TAFA1: variants seen among roughly 807,000 people sequenced by gnomAD.
TAFA1 encodes TAFA chemokine like family member 1, also known as chemokine-like protein TAFA-1.
TAFA1 carries 4 observed loss-of-function variants against 18.5 expected under a neutral mutation model. The ratio of observed to expected loss-of-function variants is 0.22; its 90% CI spans 0.11 to 0.49. The LOEUF is 0.49. Among genes scored for constraint, TAFA1 ranks in the 20% least tolerant of loss-of-function variants. The pLI is 0.98. For synonymous variants in TAFA1, 56 were observed against 55.2 expected (o/e 1.01, Z -0.06); for missense variants, 147 against 169.0 (o/e 0.87, Z 0.72).
At chr3:68,543,604 A>T (rs2073412204) in intron 4 of TAFA1, among the ~76,000 whole-genome samples, 1 of 152,132 alleles carries the variant, frequency 6.6e-6, no homozygotes, top group South Asian at 2.1e-4. Context: ...TAAAATCCTT[A>T]AATGGACTTC....
At chr3:68,096,595 G>C (rs1326533217) in intron 2 of TAFA1, among the ~76,000 whole-genome samples, 1 of 152,098 alleles carries the variant, frequency 6.6e-6, no homozygotes, top group Non-Finnish European at 1.5e-5. Flanking sequence ...GGGAAACTAA[G>C]GCTTGGAGAA....
At chr3:68,018,447 A>G (rs894949792) in intron 2 of TAFA1, among the ~76,000 whole-genome samples, 2 of 152,232 alleles carry the variant, frequency 1.3e-5, no homozygotes, top group Non-Finnish European at 2.9e-5. Flanking sequence ...TAAGATAGTA[A>G]TTATTTTTAA....
chr3:68,359,635 C>G (rs1248946659), intron 2 of TAFA1, among the ~76,000 whole-genome samples: 2 of 151,868 alleles, frequency 1.3e-5, no homozygotes, highest in Admixed American at 1.3e-4. Flanking sequence ...GATCACAGCC[C>G]TCCTGACACC....
intron 2 of TAFA1, among the ~76,000 whole-genome samples, chr3:68,369,338 A>C (rs2069634815): frequency 6.6e-6 from 1 of 152,226 alleles, no homozygotes; most frequent in South Asian, 2.1e-4. Context: ...GTTGATATGA[A>C]GAAAAAGGTG....
the TAFA1 span, among the ~76,000 whole-genome samples, chr3:67,997,815 G>C: frequency 1.0e-4 from 14 of 137,384 alleles, no homozygotes; most frequent in Non-Finnish European, 1.6e-4. Context: ...TTAATTTTTT[G>C]TTTCATGTAG....
chr3:68,497,632 G>A (rs2072570584), intron 3 of TAFA1, among the ~76,000 whole-genome samples: 1 of 152,186 alleles, frequency 6.6e-6, no homozygotes, highest in Non-Finnish European at 1.5e-5. Context: ...GACAGAGTGT[G>A]CTGAATGGGA....
intron 4 of TAFA1, among the ~76,000 whole-genome samples, chr3:68,539,677 G>GT (rs2073337729): frequency 5.6e-5 from 1 of 17,904 alleles, no homozygotes; most frequent in Non-Finnish European, 2.5e-4. Flanking sequence ...GTGTGTGTGT[G>GT]TGGGGGGGCA....
At chr3:68,121,278 T>A (rs941361271) in intron 2 of TAFA1, among the ~76,000 whole-genome samples, 1 of 151,898 alleles carries the variant, frequency 6.6e-6, no homozygotes, top group Admixed American at 6.6e-5. Flanking sequence ...TGTGTGTGTG[T>A]GTGTGTGTGT....
intron 2 of TAFA1, among the ~76,000 whole-genome samples, chr3:68,357,748 A>G (rs1408038526): frequency 6.6e-6 from 1 of 151,950 alleles, no homozygotes; most frequent in African/African-American, 2.4e-5. Flanking sequence ...GGGTGGACTG[A>G]CAGGGCATTT....
At chr3:68,045,161 G>C (rs1478854394) in intron 2 of TAFA1, among the ~76,000 whole-genome samples, 1 of 152,076 alleles carries the variant, frequency 6.6e-6, no homozygotes, top group Admixed American at 6.6e-5. Context: ...CTCTGGCCTA[G>C]GTAGAAGGGC....
chr3:68,252,915 G>C (rs370581898), intron 2 of TAFA1, among the ~76,000 whole-genome samples: 75 of 152,242 alleles, frequency 4.9e-4, no homozygotes, highest in African/African-American at 1.6e-3. Flanking sequence ...AGTCTCATGA[G>C]CTCTGATGGT....
At chr3:68,319,488 T>C (rs2068662616) in intron 2 of TAFA1, among the ~76,000 whole-genome samples, 1 of 152,202 alleles carries the variant, frequency 6.6e-6, no homozygotes, top group Non-Finnish European at 1.5e-5. Context: ...AGAGCAATCC[T>C]CATCCCCAGC....
chr3:68,033,445 A>T (rs1270162835), intron 2 of TAFA1, among the ~76,000 whole-genome samples: 2 of 152,206 alleles, frequency 1.3e-5, no homozygotes, highest in African/African-American at 4.8e-5. Flanking sequence ...ATGTTTTTTA[A>T]GGGCATTCAC....
intron 3 of TAFA1, among the ~76,000 whole-genome samples, chr3:68,465,717 G>T (rs1237739561): frequency 6.6e-6 from 1 of 152,126 alleles, no homozygotes; most frequent in Non-Finnish European, 1.5e-5. Context: ...CTAACCATCA[G>T]GAAAGAGAAA....
chr3:68,039,083 G>A (rs1180580285), intron 2 of TAFA1, among the ~76,000 whole-genome samples: 1 of 152,094 alleles, frequency 6.6e-6, no homozygotes, highest in East Asian at 1.9e-4. Flanking sequence ...CTACATCCAA[G>A]CCCTGCCATC....
chr3:68,162,093 G>A (rs2065931981), intron 2 of TAFA1, among the ~76,000 whole-genome samples: 2 of 152,262 alleles, frequency 1.3e-5, no homozygotes, highest in South Asian at 4.1e-4. Flanking sequence ...TGCTGGCCTA[G>A]AAGCAATAGA....
At chr3:68,219,925 A>G (rs780531669) in intron 2 of TAFA1, among the ~76,000 whole-genome samples, 1 of 152,158 alleles carries the variant, frequency 6.6e-6, no homozygotes, top group Non-Finnish European at 1.5e-5. Flanking sequence ...TGCCAGAAAA[A>G]AATAGGAGAC....
intron 3 of TAFA1, among the ~76,000 whole-genome samples, chr3:68,456,186 G>A (rs982215356): frequency 6.6e-6 from 1 of 152,118 alleles, no homozygotes; most frequent in African/African-American, 2.4e-5. Flanking sequence ...ACAACAAAAA[G>A]CCTGGAAATT....
chr3:68,460,593 T>C (rs1279462503), intron 3 of TAFA1, among the ~76,000 whole-genome samples: 1 of 152,210 alleles, frequency 6.6e-6, no homozygotes, highest in African/African-American at 2.4e-5. Flanking sequence ...CTCTGTGTTA[T>C]AGATTCAGAG....
Sources: allele counts gnomAD v4.1 joint callset (sites outside exome capture counted in the v4.1 genomes callset), GRCh38; gene constraint gnomAD v4.1.1; transcripts MANE v1.5; gene names NCBI Gene and HGNC (gene_info 2026-07-23, HGNC 2026-07-21).